The following FRS2 variants were observed in gnomAD, a reference collection of about 807,000 sequenced individuals.
The protein encoded by FRS2 is fibroblast growth factor receptor substrate 2, also known as FGFR signalling adaptor.
A neutral mutation model predicts 43.9 loss-of-function variants in FRS2; 8 were observed. That is an observed-to-expected ratio of 0.18 (90% CI 0.11 to 0.33). FRS2 has a LOEUF of 0.33. FRS2 is among the 10% of genes least tolerant of loss of function. The probability of loss-of-function intolerance (pLI) is 1.00; values close to 1 mark genes in which losing one functional copy is unlikely to be tolerated. For missense variants in FRS2, 534 were observed against 627.6 expected (o/e 0.85, Z 1.59); for synonymous variants, 219 against 220.3 (o/e 0.99, Z 0.05).
intron 1 of FRS2, among the ~76,000 whole-genome samples, chr12:69,517,838 AG>A (rs1197955241): frequency 5.3e-5 from 8 of 152,138 alleles, no homozygotes; most frequent in Non-Finnish European, 1.2e-4. Context: ...CTTGCTCATA[AG>A]CTACTTCATT....
At chr12:69,496,203 G>A (rs886616576) in intron 1 of FRS2, among the ~76,000 whole-genome samples, 3 of 152,146 alleles carry the variant, frequency 2.0e-5, no homozygotes, top group African/African-American at 7.2e-5. Flanking sequence ...GTGGGAGGCC[G>A]AGGCGGGCGG....
chr12:69,503,747 G>T (rs1191940692), intron 1 of FRS2, among the ~76,000 whole-genome samples: 1 of 152,116 alleles, frequency 6.6e-6, no homozygotes, highest in African/African-American at 2.4e-5. Flanking sequence ...AGTAAGATGG[G>T]GAATGATGGC....
chr12:69,511,677 TGCTC>T lies in FRS2; in HGVS notation c.-260-19187_-260-19184del, dbSNP rs1874470342. Among the ~76,000 whole-genome samples the T allele has an allele frequency of 2.6e-5, 4 of 152,200 alleles. No individual in the cohort carries two copies. In the South Asian group the frequency reaches 8.3e-4, roughly 32 times the overall value. ...GATCCATTACAAAGGAATGGTAAACTGCTCATATCCGTGTTAGGGCCCCCATTTC... is the reference window on the plus strand; with the variant it reads ...GATCCATTACAAAGGAATGGTAAACTATATCCGTGTTAGGGCCCCCATTTC... On this transcript the variant is annotated intron_variant, in intron 1 of 8. Transcript: ENST00000549921.
At chr12:69,497,844 G>A (rs1373105032) in intron 1 of FRS2, among the ~76,000 whole-genome samples, 1 of 152,182 alleles carries the variant, frequency 6.6e-6, no homozygotes, top group East Asian at 1.9e-4. Context: ...TTACTTGGGT[G>A]AGATAGAAAG....
chr12:69,477,923 A>G (rs1870981414), intron 1 of FRS2, among the ~76,000 whole-genome samples: 1 of 150,388 alleles, frequency 6.6e-6, no homozygotes, highest in Non-Finnish European at 1.5e-5. Flanking sequence ...TGTATTTTTT[A>G]GTAGAGACGG....
chr12:69,533,038 AC>A (rs2135671111), intron 3 of FRS2, among the ~76,000 whole-genome samples: 1 of 152,340 alleles, frequency 6.6e-6, no homozygotes. Flanking sequence ...AAATGAGGAA[AC>A]CAGTAGTAGG....
At chr12:69,524,622 G>T (rs914988311) in intron 1 of FRS2, among the ~76,000 whole-genome samples, 1 of 152,052 alleles carries the variant, frequency 6.6e-6, no homozygotes, top group Non-Finnish European at 1.5e-5. Context: ...GACAAGACTG[G>T]CTCTGCAGAG....
At chr12:69,502,253 A>G (rs561907596) in intron 1 of FRS2, among the ~76,000 whole-genome samples, 1 of 152,304 alleles carries the variant, frequency 6.6e-6, no homozygotes, top group East Asian at 1.9e-4. Context: ...GGTGTGAACC[A>G]CTGCACCTGG....
intron 3 of FRS2, among the ~76,000 whole-genome samples, chr12:69,555,872 TGA>T (rs1274042768): frequency 5.3e-5 from 8 of 152,202 alleles, no homozygotes; most frequent in African/African-American, 1.9e-4. Flanking sequence ...TAGTTTTCTT[TGA>T]GAATATATTT....
At chr12:69,531,756 C>T (rs1876823228) in intron 2 of FRS2, among the ~76,000 whole-genome samples, 1 of 151,700 alleles carries the variant, frequency 6.6e-6, no homozygotes, top group Admixed American at 6.6e-5. Context: ...ATAAAAATTG[C>T]CACATATCAT....
intron 8 of FRS2, 68 bp from the exon 9 acceptor site, chr12:69,573,937 T>C: frequency 1.0e-6 from 1 of 974,470 alleles, no homozygotes; most frequent in South Asian, 1.6e-5. Context: ...TTAACTGATG[T>C]GGTCAGGCTT....
At chr12:69,498,555 G>GTGTGT (rs1565727350) in intron 1 of FRS2, among the ~76,000 whole-genome samples, 2 of 150,766 alleles carry the variant, frequency 1.3e-5, no homozygotes, top group Non-Finnish European at 3.0e-5. Flanking sequence ...GTGTGTGTTT[G>GTGTGT]GTTTTTTGTT....
At position 69,497,781 on chromosome 12, in the gene FRS2, T is replaced by C. The variant is rs11177693; in HGVS notation, c.-261+27251T>C. 1.9e-3 allele frequency among the ~76,000 whole-genome samples: 284 copies of C among 152,306 alleles called. 1 individual carries two copies. The highest frequency in any genetic ancestry group is 3.4e-3 in the Non-Finnish European group (229 of 68,028). On this transcript the variant is annotated intron_variant, in intron 1 of 8. Coordinates refer to ENST00000549921, the MANE Select transcript of FRS2 (RefSeq NM_001278356.2). The stretch of plus-strand genomic sequence containing the variant: ...TGAGCTAATTTGTTTCTTACTGTAT[T>C]CAAGGAACTGCAGAGAGAGCAAGGG...
chr12:69,537,804 T>C (rs1406657764), intron 3 of FRS2: 1 of 152,574 alleles, frequency 6.6e-6, no homozygotes, highest in Non-Finnish European at 1.5e-5. Flanking sequence ...TTTCTCCTTC[T>C]ATAACTCTAA....
intron 3 of FRS2, among the ~76,000 whole-genome samples, chr12:69,534,235 A>G (rs1315103559): frequency 6.6e-6 from 1 of 152,220 alleles, no homozygotes. Context: ...GTAATACACA[A>G]AAATGTGGAT....
chr12:69,543,692 G>A (rs989911192), intron 3 of FRS2, among the ~76,000 whole-genome samples: 1 of 152,184 alleles, frequency 6.6e-6, no homozygotes, highest in African/African-American at 2.4e-5. Flanking sequence ...CCTGAAGCAA[G>A]TGAAGGAGCA....
At chr12:69,568,239 A>G (rs965868943) in intron 4 of FRS2, among the ~76,000 whole-genome samples, 3 of 152,090 alleles carry the variant, frequency 2.0e-5, no homozygotes, top group Admixed American at 6.5e-5. Flanking sequence ...CTTAATTTTG[A>G]GTTGTCTTTC....
At chr12:69,513,848 A>G (rs1298360748) in intron 1 of FRS2, among the ~76,000 whole-genome samples, 2 of 152,152 alleles carry the variant, frequency 1.3e-5, no homozygotes, top group Non-Finnish European at 2.9e-5. Flanking sequence ...CTCCTTGGAT[A>G]GAGTTGTTTT....
chr12:69,508,971 C>T (rs1383237490), intron 1 of FRS2, among the ~76,000 whole-genome samples: 1 of 152,134 alleles, frequency 6.6e-6, no homozygotes, highest in Non-Finnish European at 1.5e-5. Flanking sequence ...AACTGAGTCA[C>T]AAAATTCACT....
Sources: allele counts gnomAD v4.1 joint callset (sites outside exome capture counted in the v4.1 genomes callset), GRCh38; gene constraint gnomAD v4.1.1; transcripts MANE v1.5; gene names NCBI Gene and HGNC (gene_info 2026-07-23, HGNC 2026-07-21).